Variants in EPB41L3 observed in about 807,000 individuals in gnomAD.
EPB41L3 encodes erythrocyte membrane protein band 4.1 like 3, also known as band 4.1-like protein 3.
In EPB41L3, 57 loss-of-function variants were observed where a neutral mutation model predicts 127.1. The ratio of observed to expected loss-of-function variants is 0.45; its 90% CI spans 0.36 to 0.56. The LOEUF is 0.56. Ranked by LOEUF, EPB41L3 falls within the 20% of genes least tolerant of loss-of-function variation. The pLI, the probability that EPB41L3 is intolerant of heterozygous loss-of-function variation, is 0.00. For missense variants in EPB41L3, 1,273 were observed against 1,372.2 expected, an observed-to-expected ratio of 0.93 and a Z score of 1.14; for synonymous variants, 572 against 549.5, an observed-to-expected ratio of 1.04 and a Z score of -0.57.
At chr18:5,593,774 T>C (rs962266103) in intron 3 of EPB41L3, among the ~76,000 whole-genome samples, 34 of 152,296 alleles carry the variant, frequency 2.2e-4, no homozygotes, top group Admixed American at 3.3e-4. Flanking sequence ...GAGGCCCACC[T>C]TCAGGGGCGC....
intron 5 of EPB41L3, among the ~76,000 whole-genome samples, chr18:5,439,027 C>T (rs937125095): frequency 6.6e-6 from 1 of 152,074 alleles, no homozygotes; most frequent in Non-Finnish European, 1.5e-5. Context: ...ACTGTATTCA[C>T]TCTGTTCTTC....
rs566481301 is a variant in EPB41L3, at chr18:5,470,551, C to T, written c.381+7690G>A. Among the ~76,000 whole-genome samples, 33 of 152,292 alleles carry T rather than the reference C, an allele frequency of 2.2e-4. No homozygotes were observed. The South Asian group carries it at 6.4e-3, about 30-fold the overall frequency. ...CTTATAATGCACAAATTGATCAATG[C>T]ATTCTAGAAAATGCAAAGATTTTAA... On this transcript the variant is annotated intron_variant, in intron 3 of 22. Coordinates refer to ENST00000341928, the MANE Select transcript of EPB41L3 (RefSeq NM_012307.5).
chr18:5,463,785 C>T (rs972907576), intron 3 of EPB41L3: 26 of 152,382 alleles, frequency 1.7e-4, no homozygotes, highest in African/African-American at 6.0e-4. Flanking sequence ...TTCTGAGACC[C>T]TGAACACCGG....
At chr18:5,474,858 G>T (rs759462489) in intron 3 of EPB41L3, among the ~76,000 whole-genome samples, 1 of 152,168 alleles carries the variant, frequency 6.6e-6, no homozygotes, top group Non-Finnish European at 1.5e-5. Flanking sequence ...GGAATCAGTG[G>T]CTTCCATAAT....
intron 12 of EPB41L3, 107 bp downstream of exon 12, chr18:5,419,604 A>G: frequency 6.9e-7 from 1 of 1,454,546 alleles, no homozygotes; most frequent in Non-Finnish European, 9.4e-7. Flanking sequence ...CAGTGCTGAC[A>G]TATGATTTAT....
Position 5,472,078 on chromosome 18 carries a change from G to A in EPB41L3, c.381+6163C>T, listed in dbSNP as rs183516843. 6.4e-3 allele frequency among the ~76,000 whole-genome samples: 967 copies of A among 151,968 alleles called. 2 individuals are homozygous for A. The highest frequency in any genetic ancestry group is 0.011 in the Non-Finnish European group (732 of 67,972). On this transcript the variant is annotated intron_variant, in intron 3 of 22. Transcript: ENST00000341928. ...ACATTTTTAATATTTATATTGTTTA[G>A]AATATTTATTAGGCCTTGTCTACAC... is the stretch of plus-strand genomic sequence containing the variant.
At chr18:5,526,339 C>G (rs550304307) in intron 1 of EPB41L3, among the ~76,000 whole-genome samples, 1 of 152,210 alleles carries the variant, frequency 6.6e-6, no homozygotes, top group East Asian at 1.9e-4. Flanking sequence ...TCCAGATGTC[C>G]CCACACCTTC....
chr18:5,609,671 G>T (rs2094703654), intron 3 of EPB41L3, among the ~76,000 whole-genome samples: 1 of 152,086 alleles, frequency 6.6e-6, no homozygotes, highest in Non-Finnish European at 1.5e-5. Context: ...ATTTCCAATG[G>T]ACTTATATTA....
At position 5,526,640 on chromosome 18, in the gene EPB41L3, C is replaced by T. The variant is rs143265785; in HGVS notation, c.-12+17273G>A. Reference sequence around the variant, plus strand: ...TGCCCTACCAAAATGCATACAGATTCTCTGACTGGAGAAAAATTCAATTTT... The same window carrying T: ...TGCCCTACCAAAATGCATACAGATTTTCTGACTGGAGAAAAATTCAATTTT... On this transcript the variant is annotated intron_variant, in intron 1 of 22. Transcript: ENST00000341928. 2.3e-3 allele frequency among the ~76,000 whole-genome samples: 355 copies of T among 152,252 alleles called. 3 individuals carry two copies. Among genetic ancestry groups the T allele is most frequent in the African/African-American group, 8.1e-3 (338 of 41,550 alleles).
intron 3 of EPB41L3, among the ~76,000 whole-genome samples, chr18:5,596,122 C>T (rs1031718465): frequency 2.0e-5 from 3 of 152,184 alleles, no homozygotes; most frequent in African/African-American, 4.8e-5. Context: ...TTTCTCTGTT[C>T]GGATTGGTCC....
intron 5 of EPB41L3, among the ~76,000 whole-genome samples, chr18:5,441,658 G>A (rs2080793992): frequency 6.6e-6 from 1 of 152,026 alleles, no homozygotes; most frequent in Non-Finnish European, 1.5e-5. Flanking sequence ...TAGAGACGGG[G>A]TTTCACCGTG....
At chr18:5,433,158 TA>T (rs1325138076) in intron 8 of EPB41L3, among the ~76,000 whole-genome samples, 1 of 152,072 alleles carries the variant, frequency 6.6e-6, no homozygotes, top group African/African-American at 2.4e-5. Flanking sequence ...CAGGGTGAAG[TA>T]AAAGTCTGTT....
intron 3 of EPB41L3, among the ~76,000 whole-genome samples, chr18:5,450,077 A>T (rs1044493608): frequency 6.6e-6 from 1 of 152,108 alleles, no homozygotes. Flanking sequence ...GTGAGACTGC[A>T]GATAATGGGG....
intron 1 of EPB41L3, among the ~76,000 whole-genome samples, chr18:5,514,709 C>T (rs1198682964): frequency 2.0e-5 from 3 of 152,102 alleles, no homozygotes; most frequent in Admixed American, 6.5e-5. Flanking sequence ...GAATCATTAT[C>T]GCTTCCTTGG....
chr18:5,480,694 C>T lies in EPB41L3; in HGVS notation c.184-2256G>A, dbSNP rs191069960. On this transcript the variant is annotated intron_variant, in intron 2 of 22. Transcript: ENST00000341928. ...GGCTTGGGGACTTGCGTGAGTTCTC[C>T]GAAGATGGTAAAACAATGACTAGAA... Among the ~76,000 whole-genome samples the T allele has an allele frequency of 6.6e-5, 10 of 152,198 alleles. No individual in the cohort carries two copies. In the South Asian group the frequency reaches 1.0e-3, roughly 16 times the overall value.
intron 11 of EPB41L3, among the ~76,000 whole-genome samples, chr18:5,421,115 T>C (rs933007920): frequency 3.3e-5 from 5 of 151,940 alleles, no homozygotes; most frequent in African/African-American, 9.7e-5. Flanking sequence ...CCGCAAGGAG[T>C]GAGAGACAAC....
At chr18:5,423,579 G>A in intron 10 of EPB41L3, 26 bp from the exon 11 acceptor site, 1 of 1,579,892 alleles carries the variant, frequency 6.3e-7, no homozygotes, top group Non-Finnish European at 8.6e-7. Context: ...AAAAACAGCA[G>A]AAAGACTATT....
chr18:5,408,273 CTTTTTTT>C (rs1208956534), intron 14 of EPB41L3, among the ~76,000 whole-genome samples: 18 of 50,468 alleles, frequency 3.6e-4, no homozygotes, highest in African/African-American at 4.9e-4. Context: ...TTTCTTTTTT[CTTTTTTT>C]TTTTTTTTTT....
chr18:5,515,168 T>C (rs911623814), intron 1 of EPB41L3, among the ~76,000 whole-genome samples: 1 of 152,210 alleles, frequency 6.6e-6, no homozygotes, highest in African/African-American at 2.4e-5. Context: ...CGCAAGCCTT[T>C]CCTAACACTT....
Sources: allele counts gnomAD v4.1 joint callset (sites outside exome capture counted in the v4.1 genomes callset), GRCh38; gene constraint gnomAD v4.1.1; transcripts MANE v1.5; gene names NCBI Gene and HGNC (gene_info 2026-07-23, HGNC 2026-07-21).